UGT1A9: variants seen among roughly 807,000 people sequenced by gnomAD.
The protein encoded by UGT1A9 is UDP-glucuronosyltransferase 1A9.
UGT1A9 carries 35 observed loss-of-function variants against 45.0 expected under a neutral mutation model. The observed-to-expected ratio is 0.78, with a 90% CI of 0.59 to 1.03. UGT1A9 has a LOEUF of 1.03. Ranked by LOEUF, UGT1A9 falls within the 50% of genes least tolerant of loss-of-function variation. The pLI is 0.00. For missense variants in UGT1A9, 687 were observed against 666.6 expected (o/e 1.03, Z -0.34); for synonymous variants, 278 against 250.6 (o/e 1.11, Z -1.03).
At chr2:233,724,373 G>A (rs2077243992) in intron 1 of UGT1A9, among the ~76,000 whole-genome samples, 1 of 147,660 alleles carries the variant, frequency 6.8e-6, no homozygotes, top group African/African-American at 2.5e-5. Flanking sequence ...CGGGGTGGCT[G>A]CCGGGCGGAG....
intron 3 of UGT1A9, 135 bp downstream of exon 3, chr2:233,768,071 G>C: frequency 6.3e-7 from 1 of 1,595,002 alleles, no homozygotes; most frequent in Admixed American, 1.8e-5. Context: ...TTTATCTAGT[G>C]GGGTATCTCA....
chr2:233,727,334 C>G (rs2077606253), intron 1 of UGT1A9, among the ~76,000 whole-genome samples: 1 of 152,132 alleles, frequency 6.6e-6, no homozygotes, highest in South Asian at 2.1e-4. Context: ...GGAGCTCCTC[C>G]CTCCCCATAG....
chr2:233,713,181 G>A, intron 1 of UGT1A9: 2 of 1,614,248 alleles, frequency 1.2e-6, no homozygotes, highest in Non-Finnish European at 1.7e-6. Flanking sequence ...CCTCACCCTG[G>A]AGGTGAATAT....
At chr2:233,728,213 C>A (rs2077690894) in intron 1 of UGT1A9, among the ~76,000 whole-genome samples, 1 of 152,180 alleles carries the variant, frequency 6.6e-6, no homozygotes, top group Non-Finnish European at 1.5e-5. Flanking sequence ...TGGAGAAGAG[C>A]CTGACCATAA....
chr2:233,745,551 C>G (rs548824716), intron 1 of UGT1A9, among the ~76,000 whole-genome samples: 2 of 151,716 alleles, frequency 1.3e-5, no homozygotes, highest in Admixed American at 6.5e-5. Context: ...GAACAAACTT[C>G]TAAGTTTATA....
chr2:233,753,153 C>A (rs1198607979), intron 1 of UGT1A9: 1 of 152,212 alleles, frequency 6.6e-6, no homozygotes, highest in Non-Finnish European at 1.5e-5. Context: ...CATGTAAGTT[C>A]CCTTATCCGG....
rs200752387 is a variant in UGT1A9, at chr2:233,752,746, A to AAAACAAAC, written c.856-14269_856-14262dup. On this transcript the variant is annotated intron_variant, in intron 1 of 4. Coordinates refer to ENST00000354728, the MANE Select transcript of UGT1A9 (RefSeq NM_021027.3). ...AGCTACAGAGAGAGACCCTGTCTCT[A>AAAACAAAC]AAACAAACAAACAAACAAACAAACA... Among the ~76,000 whole-genome samples, 41 of 152,308 alleles carry AAAACAAAC rather than the reference A, an allele frequency of 2.7e-4. No individual in the cohort carries two copies. The East Asian group carries it at 7.3e-3, about 27-fold the overall frequency.
intron 1 of UGT1A9, among the ~76,000 whole-genome samples, chr2:233,700,668 A>G (rs1354442892): frequency 6.6e-6 from 1 of 152,146 alleles, no homozygotes; most frequent in East Asian, 1.9e-4. Context: ...ACTTTTCAGC[A>G]CAAATTCGTG....
rs762109713 is a variant in UGT1A9, at chr2:233,760,481, C to T, written c.856-6553C>T. On this transcript the variant is annotated intron_variant, in intron 1 of 4. Coordinates refer to ENST00000354728, the MANE Select transcript of UGT1A9 (RefSeq NM_021027.3). ...ATAGTTGTCCTAGCACCTGACGCCT[C>T]GTTGTACATCAGAGACGGAGCATTT... 4.0e-5 allele frequency: 65 copies of T among 1,614,070 alleles called. No individual in the cohort carries two copies. The highest frequency in any genetic ancestry group is 5.3e-5 in the African/African-American group (4 of 74,932).
At chr2:233,747,872 G>A (rs1394034943) in intron 1 of UGT1A9, 4 of 1,613,378 alleles carry the variant, frequency 2.5e-6, no homozygotes, top group African/African-American at 1.3e-5. Flanking sequence ...CTCTGGCCCT[G>A]TCCTACCTTT....
intron 1 of UGT1A9, among the ~76,000 whole-genome samples, chr2:233,734,160 T>C (rs535251850): frequency 1.3e-5 from 2 of 152,268 alleles, no homozygotes; most frequent in Non-Finnish European, 2.9e-5. Context: ...GTCCTGGACT[T>C]TTTTTGGTTG....
intron 1 of UGT1A9, among the ~76,000 whole-genome samples, chr2:233,679,943 C>G (rs944629060): frequency 6.6e-6 from 1 of 152,082 alleles, no homozygotes; most frequent in Non-Finnish European, 1.5e-5. Context: ...CAAAAAGATG[C>G]GAGGTTTGGC....
At chr2:233,743,749 C>G (rs937168653) in intron 1 of UGT1A9, 24 of 1,367,282 alleles carry the variant, frequency 1.8e-5, no homozygotes, top group Non-Finnish European at 2.3e-5. Context: ...TGGCGTCCGA[C>G]AACACCTCGT....
Position 233,760,930 on chromosome 2 carries a change from A to G in UGT1A9, c.856-6104A>G, listed in dbSNP as rs144398951. 63 of 1,614,176 alleles carry G rather than the reference A, an allele frequency of 3.9e-5. 1 individual carries two copies. In the Middle Eastern group the frequency reaches 1.3e-3, roughly 34 times the overall value. On this transcript the variant is annotated intron_variant, in intron 1 of 4. Coordinates refer to ENST00000354728, the MANE Select transcript of UGT1A9 (RefSeq NM_021027.3). ...CCTGCAGCGGGTGAAGAACATGCTC[A>G]TTGCCTTTTCACAGAACTTTCTGTG...
rs543664272 is a variant in UGT1A9 at position 233,740,192 on chromosome 2, C to A, written c.856-26842C>A. Among the ~76,000 whole-genome samples, 491 of 151,932 alleles carry A rather than the reference C, an allele frequency of 3.2e-3. 4 individuals are homozygous for A. The highest frequency in any genetic ancestry group is 5.8e-3 in the Non-Finnish European group (395 of 68,032). On this transcript the variant is annotated intron_variant, in intron 1 of 4. Transcript: ENST00000354728. ...AACTGTGAGTCAATTAAACCTCTTT[C>A]TTTTATAAATTACCCAGTCTCAGCT...
intron 1 of UGT1A9, among the ~76,000 whole-genome samples, chr2:233,692,510 T>C (rs1457280263): frequency 1.3e-5 from 2 of 152,160 alleles, no homozygotes; most frequent in Non-Finnish European, 2.9e-5. Context: ...CCTTAACCTG[T>C]GGGGTCCGTG....
Position 233,747,246 on chromosome 2 carries a change from G to C in UGT1A9, c.856-19788G>C, listed in dbSNP as rs1208197105. On this transcript the variant is annotated intron_variant, in intron 1 of 4. Coordinates refer to ENST00000354728, the MANE Select transcript of UGT1A9 (RefSeq NM_021027.3). ...CAGGACCCCAGGTTCCCCTGCTGTG[G>C]CTGGCCACAGGAGTGCTACTCCTTC... The C allele has an allele frequency of 3.7e-6, 6 of 1,601,870 alleles. No individual in the cohort carries two copies. The African/African-American group carries it at 5.4e-5, about 14-fold the overall frequency.
chr2:233,680,459 C>T lies in UGT1A9; in HGVS notation c.855+7670C>T, dbSNP rs28969709. ...TAGAGGAAAGTGACTAAGCAAATGT[C>T]TAGTACCAGTTAGGGTGTCCTGGAA... On this transcript the variant is annotated intron_variant, in intron 1 of 4. Transcript: ENST00000354728. Among the ~76,000 whole-genome samples the T allele has an allele frequency of 5.3e-4, 81 of 152,254 alleles. No homozygotes were observed. In the East Asian group the frequency reaches 0.014, roughly 26 times the overall value.
chr2:233,701,794 A>G (rs2075651976), intron 1 of UGT1A9, among the ~76,000 whole-genome samples: 1 of 152,218 alleles, frequency 6.6e-6, no homozygotes, highest in South Asian at 2.1e-4. Context: ...CTTTGAAATC[A>G]ACGAGAACAA....
Sources: gnomAD v4.1 joint callset for allele counts (sites outside exome capture counted in the v4.1 genomes callset) on GRCh38, gnomAD v4.1.1 for gene constraint, MANE v1.5 for transcripts, NCBI Gene and HGNC (gene_info 2026-07-23, HGNC 2026-07-21) for gene names.